The following CNGB1 variants were observed in gnomAD, a reference collection of about 807,000 sequenced individuals.
CNGB1 encodes cyclic nucleotide-gated channel beta-1.
CNGB1 carries 126 observed loss-of-function variants against 151.7 expected under a neutral mutation model. That is an observed-to-expected ratio of 0.83 (90% CI 0.72 to 0.96). The LOEUF (loss-of-function observed/expected upper bound fraction) is 0.96, where lower values mean the gene tolerates loss of function less well. Ranked by LOEUF, CNGB1 falls within the 40% of genes least tolerant of loss-of-function variation. The pLI is 0.00. For synonymous variants in CNGB1, 623 were observed against 635.1 expected (o/e 0.98, Z 0.29); for missense variants, 1,698 against 1,627.0 (o/e 1.04, Z -0.75).
intron 12 of CNGB1, 60 bp downstream of exon 12, chr16:57,957,281 C>A: frequency 6.5e-7 from 1 of 1,538,836 alleles, no homozygotes; most frequent in South Asian, 1.1e-5. Flanking sequence ...CAGTCAGACC[C>A]AAGGACACCA....
Position 57,903,908 on chromosome 16 carries a change from T to G in CNGB1, c.2708A>C (p.Tyr903Ser). 6.2e-7 allele frequency: 1 copy of G among 1,614,192 alleles called. No homozygotes were observed. Among genetic ancestry groups the G allele is most frequent in the Non-Finnish European group, 8.5e-7 (1 of 1,180,030 alleles). Residue 903 changes from tyrosine to serine, a missense_variant, in exon 27 of 33, where the codon TAC (tyrosine) becomes TCC (serine). Coordinates refer to ENST00000251102, the MANE Select transcript of CNGB1 (RefSeq NM_001297.5). ...YRSCMDSTVK[Y>S]MNFYKIPKSV... ...CTTGGGGATCTTGTAGAAATTCATG[T>G]ACTTCACCGTGCTGTCCATGCAGCT... is the stretch of plus-strand genomic sequence containing the variant.
At chr16:57,949,469 C>T in intron 13 of CNGB1, 30 bp from the exon 14 acceptor site, 1 of 1,612,926 alleles carries the variant, frequency 6.2e-7, no homozygotes, top group South Asian at 1.1e-5. Flanking sequence ...AGGAGGTGAG[C>T]CCACCCGAAG....
intron 16 of CNGB1, among the ~76,000 whole-genome samples, chr16:57,936,131 A>C (rs534580421): frequency 1.3e-5 from 2 of 152,190 alleles, no homozygotes; most frequent in African/African-American, 4.8e-5. Context: ...GCTCTTTGTC[A>C]TCAGGGAGTG....
At position 57,964,116 on chromosome 16, in the gene CNGB1, G is replaced by A; in HGVS notation, c.290+14C>T. 1.9e-6 allele frequency: 3 copies of A among 1,613,494 alleles called. No homozygotes were observed. Among genetic ancestry groups the A allele is most frequent in the Non-Finnish European group, 2.5e-6 (3 of 1,179,604 alleles). On this transcript the variant is annotated intron_variant, in intron 4 of 32. Coordinates refer to ENST00000251102, the MANE Select transcript of CNGB1 (RefSeq NM_001297.5). ...GCGGGCTGGCCCTGAAGAGAGGGGA[G>A]GGTGGTGCAGTACCTATTCATTTCA...
Position 57,959,962 on chromosome 16 carries a change from C to T in CNGB1, c.687G>A (p.Glu229=). 1.3e-6 allele frequency: 2 copies of T among 1,591,486 alleles called. No homozygotes were observed. Among genetic ancestry groups the T allele is most frequent in the East Asian group, 2.3e-5 (1 of 44,228 alleles). Residue 229 remains glutamate (E), a synonymous_variant, in exon 10 of 33, where the codon GAG becomes GAA. Coordinates refer to ENST00000251102, the MANE Select transcript of CNGB1 (RefSeq NM_001297.5). ...IPLQPKEEPK[E]APAPEPQPGS... ...CGGGCTGGGGCTCTGGAGCTGGTGC[C>T]TCCTTGGGTTCCTCCTTGGGCTGCA...
In CNGB1 at chr16:57,889,191, C is replaced by T. The variant is rs538817151; in HGVS notation, c.3243-1117G>A. On this transcript the variant is annotated intron_variant, in intron 31 of 32. Transcript: ENST00000251102. ...TGATTTTTATTTTAAGTAATAGAGA[C>T]GGGGTCTCCCTATGTTGCTCAGGCT... Among the ~76,000 whole-genome samples the T allele has an allele frequency of 5.9e-5, 9 of 152,258 alleles. No homozygotes were observed. The South Asian group carries it at 8.3e-4, about 14-fold the overall frequency.
intron 19 of CNGB1, 75 bp downstream of exon 19, chr16:57,920,312 C>T: frequency 6.4e-7 from 1 of 1,556,390 alleles, no homozygotes; most frequent in South Asian, 1.1e-5. Flanking sequence ...GCCACCCTTG[C>T]CATGAGTTGA....
intron 21 of CNGB1, 30 bp from the exon 22 acceptor site, chr16:57,916,209 T>A: frequency 6.2e-7 from 1 of 1,603,532 alleles, no homozygotes; most frequent in Non-Finnish European, 8.5e-7. Context: ...GATGGTGAAA[T>A]GACCTTACAG....
chr16:57,902,978 T>A (rs75449130), intron 27 of CNGB1, among the ~76,000 whole-genome samples: 3,134 of 152,192 alleles, frequency 0.021, 55 homozygotes, highest in Non-Finnish European at 0.027. Flanking sequence ...GGCAGTGACA[T>A]GCCCGTAGTC....
intron 14 of CNGB1, among the ~76,000 whole-genome samples, chr16:57,947,738 C>A (rs534932029): frequency 1.3e-5 from 2 of 152,046 alleles, no homozygotes; most frequent in African/African-American, 4.8e-5. Flanking sequence ...TCCTGTTTAA[C>A]TATTTCCTGA....
chr16:57,939,911 C>T (rs549457662), intron 15 of CNGB1, among the ~76,000 whole-genome samples: 1 of 152,310 alleles, frequency 6.6e-6, no homozygotes, highest in African/African-American at 2.4e-5. Flanking sequence ...CCTTTTGGGT[C>T]CTCCTACAGG....
intron 23 of CNGB1, 66 bp from the exon 24 acceptor site, chr16:57,913,060 C>A: frequency 1.3e-6 from 2 of 1,517,750 alleles, no homozygotes; most frequent in South Asian, 1.1e-5. Flanking sequence ...CCCACGCCCA[C>A]GGGCGCCGAG....
Position 57,897,558 on chromosome 16 carries a change from G to A in CNGB1, c.3096-15C>T. 1.2e-6 allele frequency: 2 copies of A among 1,613,716 alleles called. No homozygotes were observed. Among genetic ancestry groups the A allele is most frequent in the African/African-American group, 2.7e-5 (2 of 75,000 alleles). ...CAGCCAGCAAGCTGGGGCAGAGAAG[G>A]GAGGAAGGAGGCCCTTCAGAGACTG... On this transcript the variant is annotated splice_polypyrimidine_tract_variant and intron_variant, in intron 30 of 32. Coordinates refer to ENST00000251102, the MANE Select transcript of CNGB1 (RefSeq NM_001297.5).
At chr16:57,890,735 C>T (rs1161306842) in intron 31 of CNGB1, among the ~76,000 whole-genome samples, 1 of 152,240 alleles carries the variant, frequency 6.6e-6, no homozygotes, top group African/African-American at 2.4e-5. Flanking sequence ...GGAGCTTGGA[C>T]AGAATCCCAC....
At chr16:57,901,844 A>G (rs1222690928) in intron 27 of CNGB1, among the ~76,000 whole-genome samples, 5 of 152,084 alleles carry the variant, frequency 3.3e-5, no homozygotes, top group Non-Finnish European at 7.4e-5. Context: ...ACTCCTACTC[A>G]TTCTTCAGAA....
intron 26 of CNGB1, 34 bp downstream of exon 26, chr16:57,904,700 G>T: frequency 6.2e-7 from 1 of 1,613,584 alleles, no homozygotes; most frequent in Non-Finnish European, 8.5e-7. Context: ...CCTGCAGTCA[G>T]GTGGGGTGGG....
At chr16:57,917,237 G>A (rs1419050815) in intron 21 of CNGB1, 31 bp downstream of exon 21, 4 of 1,592,570 alleles carry the variant, frequency 2.5e-6, no homozygotes, top group East Asian at 2.3e-5. Context: ...TCTGCCCCCG[G>A]TCACCCCAAC....
intron 2 of CNGB1, among the ~76,000 whole-genome samples, chr16:57,965,847 A>G (rs1196596630): frequency 1.3e-5 from 2 of 152,258 alleles, no homozygotes; most frequent in African/African-American, 2.4e-5. Context: ...TCATGTACAT[A>G]TACATGTTCA....
intron 3 of CNGB1, 64 bp from the exon 4 acceptor site, chr16:57,964,266 G>A: frequency 1.3e-6 from 2 of 1,556,598 alleles, no homozygotes; most frequent in Admixed American, 1.7e-5. Flanking sequence ...TACCCTGCTT[G>A]GGGAGATCAA....
Sources: gnomAD v4.1 joint callset for allele counts (sites outside exome capture counted in the v4.1 genomes callset) on GRCh38, gnomAD v4.1.1 for gene constraint, MANE v1.5 for transcripts, NCBI Gene and HGNC (gene_info 2026-07-23, HGNC 2026-07-21) for gene names.